The following MELK variants were observed in gnomAD, a reference collection of about 807,000 sequenced individuals.
The protein encoded by MELK is maternal embryonic leucine zipper kinase, also known as pEg3 kinase.
Under a neutral mutation model 85.0 loss-of-function variants are expected in MELK, and 81 were observed. The observed-to-expected ratio is 0.95, with a 90% CI of 0.80 to 1.15. MELK has a LOEUF of 1.15. MELK is among the 50% of genes most tolerant of loss of function. MELK has a pLI of 0.00. For missense variants in MELK, 754 were observed against 777.5 expected, an observed-to-expected ratio of 0.97 and a Z score of 0.36; for synonymous variants, 252 against 265.0, an observed-to-expected ratio of 0.95 and a Z score of 0.48.
chr9:36,616,566 T>C (rs1167095984), intron 8 of MELK, among the ~76,000 whole-genome samples: 1 of 151,908 alleles, frequency 6.6e-6, no homozygotes, highest in Non-Finnish European at 1.5e-5. Context: ...ATTTTTGTAG[T>C]TTTAGCAGAG....
chr9:36,589,660 G>T lies in MELK; in HGVS notation c.261+8G>T. On this transcript the variant is annotated splice_region_variant and intron_variant, in intron 4 of 17. Coordinates refer to ENST00000298048, the MANE Select transcript of MELK (RefSeq NM_014791.4). ...ATATTCATGGTTCTTGAGGTTAGTA[G>T]TATGTTCCAGATACCTGAAAACATT... 6.4e-7 allele frequency: 1 copy of T among 1,560,282 alleles called. No individual in the cohort carries two copies. The highest frequency in any genetic ancestry group is 8.8e-7 in the Non-Finnish European group (1 of 1,131,400).
In MELK at chr9:36,657,147, A is replaced by G. The variant is rs537150745; in HGVS notation, c.1054-94A>G. On this transcript the variant is annotated intron_variant, in intron 12 of 17. Transcript: ENST00000298048. The stretch of plus-strand genomic sequence containing the variant: ...TAAAATTGCCTAATACATTTCTCAG[A>G]ATGTGTCTCTGTCGTTAAGTGACGC... The G allele has an allele frequency of 7.3e-6, 10 of 1,365,214 alleles. No individual in the cohort carries two copies. In the South Asian group the frequency reaches 1.4e-4, roughly 20 times the overall value. The allele number at this position is 1,365,214 out of a possible 1,614,324, so 84.6% of individuals were successfully genotyped here.
intron 8 of MELK, among the ~76,000 whole-genome samples, chr9:36,624,894 G>A (rs1296072419): frequency 6.6e-6 from 1 of 152,006 alleles, no homozygotes; most frequent in African/African-American, 2.4e-5. Flanking sequence ...GACCAGAAAG[G>A]GCTGAAACCT....
chr9:36,667,195 G>T (rs1244411064), intron 14 of MELK, among the ~76,000 whole-genome samples: 1 of 149,778 alleles, frequency 6.7e-6, no homozygotes, highest in Non-Finnish European at 1.5e-5. Flanking sequence ...TTGCTCTGTT[G>T]CCCAGGCTGG....
Position 36,599,490 on chromosome 9 carries a change from A to AT in MELK, c.567+6dup. 4 of 1,600,916 alleles carry AT rather than the reference A, an allele frequency of 2.5e-6. No individual in the cohort carries two copies. The highest frequency in any genetic ancestry group is 3.4e-6 in the Non-Finnish European group (4 of 1,168,436). On this transcript the variant is annotated splice_donor_region_variant and intron_variant, in intron 7 of 17. Transcript: ENST00000298048. ...CAAATCATATCTTGGATCAGAGGTA[A>AT]TTATTCATTGATTAATTCATTATAT...
rs906033420 is a variant in MELK, at chr9:36,674,846, G to A, written c.1687G>A (p.Val563Met). ...GPRRLKLHYNVTTTRLVNPDQ... is the reference protein window; with the variant it reads ...GPRRLKLHYNMTTTRLVNPDQ... ...TTTCTTTTCTTAGCTTCACTATAAC[G>A]TGACTACAACTAGATTAGTGAATCC... Residue 563 changes from valine to methionine, a missense_variant, in exon 17 of 18, where the codon GTG (valine) becomes ATG (methionine). By Grantham distance (21) the Val-to-Met change is conservative. Transcript: ENST00000298048. 1.4e-5 allele frequency: 22 copies of A among 1,572,354 alleles called. No homozygotes were observed. Among genetic ancestry groups the A allele is most frequent in the Non-Finnish European group, 1.0e-5 (12 of 1,144,000 alleles).
intron 8 of MELK, among the ~76,000 whole-genome samples, chr9:36,608,026 A>G (rs1329426704): frequency 6.6e-6 from 1 of 152,090 alleles, no homozygotes; most frequent in Non-Finnish European, 1.5e-5. Flanking sequence ...CACGCCTGTA[A>G]TCCCAGCACT....
rs763479653 is a variant in MELK, at chr9:36,596,581, GTTTTTTTTGTT to G, written c.406-632_406-622del. ...CCTTTTTGTTTTTTTTGTTTTTTTTGTTTTTTTTGTTTTTTTTTTTTTGAGATGGAGTTTCG... is the reference window on the plus strand; with the variant it reads ...CCTTTTTGTTTTTTTTGTTTTTTTTGTTTTTTTTTTTGAGATGGAGTTTCG... On this transcript the variant is annotated intron_variant, in intron 5 of 17. Transcript: ENST00000298048. Among the ~76,000 whole-genome samples the G allele has an allele frequency of 3.5e-4, 34 of 98,446 alleles. 2 individuals carry two copies. The South Asian group carries it at 3.6e-3, about 10-fold the overall frequency. The allele number at this position is 98,446 out of a possible 152,430, so 64.6% of individuals were successfully genotyped here.
intron 1 of MELK, among the ~76,000 whole-genome samples, chr9:36,574,223 G>T (rs1287783309): frequency 6.6e-6 from 1 of 151,910 alleles, no homozygotes; most frequent in African/African-American, 2.4e-5. Context: ...CCTCATTGTT[G>T]GTGCTCCCAG....
At chr9:36,620,360 C>G (rs1325322235) in intron 8 of MELK, among the ~76,000 whole-genome samples, 1 of 152,152 alleles carries the variant, frequency 6.6e-6, no homozygotes, top group East Asian at 1.9e-4. Flanking sequence ...TGTGCATAGG[C>G]TTTCCCACGC....
rs748924633 is a variant in MELK, at chr9:36,643,016, A to G, written c.854A>G (p.Asp285Gly). ...SKNPFIHLDDDCVTELSVHHR... is the reference protein window; with the variant it reads ...SKNPFIHLDDGCVTELSVHHR... ...TTGTAGTTTATTCACCTCGATGATG[A>G]TTGCGTAACAGAACTTTCTGTACAT... The change falls in exon 11 of 18, where the codon GAT becomes GGT. Residue 285 changes from aspartate (D) to glycine (G), a missense_variant. Physicochemically the swap from Asp to Gly is moderately conservative, Grantham distance 94. Coordinates refer to ENST00000298048, the MANE Select transcript of MELK (RefSeq NM_014791.4). The G allele has an allele frequency of 6.2e-7, 1 of 1,610,156 alleles. No individual in the cohort carries two copies. The highest frequency in any genetic ancestry group is 1.7e-5 in the Admixed American group (1 of 59,184).
In MELK at chr9:36,633,190, GC is replaced by G. The variant is rs747428704; in HGVS notation, c.825del (p.Ser275ArgfsTer13). ...QDYNYPVEWQ[S>X]KNPFIHLDDD... ...TACAACTATCCTGTTGAGTGGCAAAGCAAGAATCCTGTAAGTAAAATGAAAT... is the reference window on the plus strand; with the variant it reads ...TACAACTATCCTGTTGAGTGGCAAAGAAGAATCCTGTAAGTAAAATGAAAT... On this transcript the variant is annotated frameshift_variant, in exon 10 of 18. Coordinates refer to ENST00000298048, the MANE Select transcript of MELK (RefSeq NM_014791.4). LOFTEE classifies it high-confidence loss of function. 6.3e-7 allele frequency: 1 copy of G among 1,594,646 alleles called. No homozygotes were observed. The highest frequency in any genetic ancestry group is 1.2e-5 in the South Asian group (1 of 86,502).
chr9:36,653,337 A>G (rs1362622935), intron 12 of MELK, among the ~76,000 whole-genome samples: 1 of 152,000 alleles, frequency 6.6e-6, no homozygotes, highest in Non-Finnish European at 1.5e-5. Flanking sequence ...ATAGAAATGG[A>G]GTCCAGCTAT....
chr9:36,619,500 AG>A (rs1197316992), intron 8 of MELK, among the ~76,000 whole-genome samples: 2 of 152,230 alleles, frequency 1.3e-5, no homozygotes, highest in Non-Finnish European at 2.9e-5. Flanking sequence ...TATGCCATAA[AG>A]GATAACTAGA....
chr9:36,655,002 AATC>A lies in MELK; in HGVS notation c.1054-2236_1054-2234del, dbSNP rs567332614. 1.6e-3 allele frequency among the ~76,000 whole-genome samples: 240 copies of A among 152,280 alleles called. 1 individual carries two copies. The highest frequency in any genetic ancestry group is 3.4e-3 in the Middle Eastern group (1 of 294). ...GGGTGTTGTTTATAAGAAAGTAAGT[AATC>A]ATGATCGATCAATCAATCAATAGGT... On this transcript the variant is annotated intron_variant, in intron 12 of 17. Transcript: ENST00000298048.
At chr9:36,663,976 C>T (rs1432558553) in intron 13 of MELK, among the ~76,000 whole-genome samples, 2 of 152,174 alleles carry the variant, frequency 1.3e-5, no homozygotes, top group African/African-American at 2.4e-5. Context: ...TTATGTTAGA[C>T]ATTTTATTTC....
chr9:36,599,175 C>T (rs1375374286), intron 6 of MELK, among the ~76,000 whole-genome samples: 2 of 151,950 alleles, frequency 1.3e-5, no homozygotes, highest in Non-Finnish European at 2.9e-5. Context: ...ACGCTGCGTG[C>T]CTGTAATCCC....
intron 7 of MELK, among the ~76,000 whole-genome samples, chr9:36,601,919 G>A (rs991410358): frequency 6.6e-6 from 1 of 152,118 alleles, no homozygotes; most frequent in African/African-American, 2.4e-5. Context: ...TTATAAGGCT[G>A]AATAATATTC....
chr9:36,574,216 CATT>C (rs1429415231), intron 1 of MELK, among the ~76,000 whole-genome samples: 5 of 152,020 alleles, frequency 3.3e-5, no homozygotes, highest in African/African-American at 9.7e-5. Context: ...ATGAGTGCCT[CATT>C]GTTGGTGCTC....
Sources: allele counts gnomAD v4.1 joint callset (sites outside exome capture counted in the v4.1 genomes callset), GRCh38; gene constraint gnomAD v4.1.1; transcripts MANE v1.5; gene names NCBI Gene and HGNC (gene_info 2026-07-23, HGNC 2026-07-21).